Variants in TANC2 observed in about 807,000 individuals in gnomAD.
TANC2 encodes the protein tetratricopeptide repeat, ankyrin repeat and coiled-coil containing 2, also known as protein TANC2.
TANC2 carries 26 observed loss-of-function variants against 210.5 expected under a neutral mutation model. That is an observed-to-expected ratio of 0.12 (90% confidence interval 0.09 to 0.17). The LOEUF (loss-of-function observed/expected upper bound fraction) is 0.17, where lower values mean the gene tolerates loss of function less well. Ranked by LOEUF, TANC2 falls within the 10% of genes least tolerant of loss-of-function variation. The pLI, the probability that TANC2 is intolerant of heterozygous loss-of-function variation, is 1.00. For synonymous variants in TANC2, 931 were observed against 967.1 expected (o/e 0.96, Z 0.69); for missense variants, 2,129 against 2,608.9 (o/e 0.82, Z 4.01).
intron 1 of TANC2, among the ~76,000 whole-genome samples, chr17:62,998,063 A>G (rs2033199249): frequency 2.0e-5 from 3 of 152,206 alleles, no homozygotes; most frequent in Admixed American, 2.0e-4. Flanking sequence ...TGAAATGGCC[A>G]TTTTAAGATC....
At chr17:63,345,629 A>AC (rs937101311) in intron 12 of TANC2, among the ~76,000 whole-genome samples, 8 of 151,834 alleles carry the variant, frequency 5.3e-5, no homozygotes, top group African/African-American at 1.9e-4. Flanking sequence ...CAAAAAAAAA[A>AC]AAAAAAAAAA....
intron 15 of TANC2, among the ~76,000 whole-genome samples, chr17:63,383,843 G>A (rs1343053465): frequency 6.6e-6 from 1 of 152,126 alleles, no homozygotes; most frequent in Admixed American, 6.5e-5. Flanking sequence ...CTGATCAGTA[G>A]TATTTTTGAA....
chr17:63,092,968 C>G (rs1568379053), intron 3 of TANC2, among the ~76,000 whole-genome samples: 1 of 152,122 alleles, frequency 6.6e-6, no homozygotes, highest in South Asian at 2.1e-4. Flanking sequence ...GTTAAGAGTT[C>G]TTACAGCCTA....
At chr17:63,342,718 G>C in intron 12 of TANC2, among the ~76,000 whole-genome samples, 1 of 152,172 alleles carries the variant, frequency 6.6e-6, no homozygotes, top group Non-Finnish European at 1.5e-5. Flanking sequence ...GGAGCTTGCA[G>C]TGAGCCAAGA....
At chr17:62,969,098 G>A (rs1568283382) in intron 1 of TANC2, among the ~76,000 whole-genome samples, 1 of 152,030 alleles carries the variant, frequency 6.6e-6, no homozygotes, top group Non-Finnish European at 1.5e-5. Flanking sequence ...AATCTGCATA[G>A]GAGTAGACCA....
intron 19 of TANC2, among the ~76,000 whole-genome samples, chr17:63,401,507 G>T (rs974698213): frequency 1.3e-5 from 2 of 152,186 alleles, no homozygotes; most frequent in South Asian, 4.1e-4. Flanking sequence ...GAGGGAGAAA[G>T]TGAATCTTAG....
chr17:63,134,095 G>A (rs2039009830), intron 4 of TANC2, among the ~76,000 whole-genome samples: 1 of 152,160 alleles, frequency 6.6e-6, no homozygotes, highest in Non-Finnish European at 1.5e-5. Context: ...ACGCAAGGGA[G>A]TAACTTTCAC....
chr17:63,286,431 A>T (rs1598776595), intron 9 of TANC2, among the ~76,000 whole-genome samples: 1 of 152,314 alleles, frequency 6.6e-6, no homozygotes, highest in East Asian at 1.9e-4. Flanking sequence ...TTAAAACTAC[A>T]GATCCACTGC....
At chr17:63,400,812 T>A (rs931925805) in intron 19 of TANC2, among the ~76,000 whole-genome samples, 3 of 104,322 alleles carry the variant, frequency 2.9e-5, no homozygotes, top group Admixed American at 9.3e-5. Flanking sequence ...CCTGACTAAT[T>A]TTTTTTTTTT....
intron 2 of TANC2, among the ~76,000 whole-genome samples, chr17:63,062,686 A>G (rs1393812517): frequency 2.0e-5 from 3 of 152,068 alleles, no homozygotes; most frequent in Non-Finnish European, 4.4e-5. Context: ...TTAGATGCTC[A>G]TTAAGTTTCA....
At chr17:63,294,345 C>A (rs1398144828) in intron 9 of TANC2, among the ~76,000 whole-genome samples, 1 of 152,076 alleles carries the variant, frequency 6.6e-6, no homozygotes, top group African/African-American at 2.4e-5. Context: ...GGCATGGTGG[C>A]ATGTGCCTGT....
intron 4 of TANC2, chr17:63,150,609 A>G (rs1281096328): frequency 6.6e-6 from 1 of 152,190 alleles, no homozygotes; most frequent in Non-Finnish European, 1.5e-5. Flanking sequence ...GTGTCAAACT[A>G]GCAGGGCCTA....
At chr17:63,406,866 G>A (rs1232090093) in intron 21 of TANC2, among the ~76,000 whole-genome samples, 5 of 152,188 alleles carry the variant, frequency 3.3e-5, no homozygotes, top group African/African-American at 1.2e-4. Context: ...CATAACAGTG[G>A]CTGCTGATGA....
intron 3 of TANC2, among the ~76,000 whole-genome samples, chr17:63,096,355 T>C (rs1391783427): frequency 6.6e-6 from 1 of 152,130 alleles, no homozygotes; most frequent in East Asian, 1.9e-4. Flanking sequence ...AATCCAAGGA[T>C]AGAGAATAAA....
chr17:63,289,363 T>C (rs2044317158), intron 9 of TANC2, among the ~76,000 whole-genome samples: 1 of 152,188 alleles, frequency 6.6e-6, no homozygotes, highest in South Asian at 2.1e-4. Flanking sequence ...TTCTGGGTTT[T>C]TTTCAGTCTT....
At chr17:63,255,103 ATTTT>A (rs869129866) in intron 8 of TANC2, among the ~76,000 whole-genome samples, 2 of 126,484 alleles carry the variant, frequency 1.6e-5, no homozygotes, top group Admixed American at 8.0e-5. Context: ...TTATTTATTT[ATTTT>A]TATTTATTTA....
intron 14 of TANC2, 52 bp downstream of exon 14, chr17:63,355,442 C>CA (rs2046753262): frequency 6.8e-7 from 1 of 1,472,344 alleles, no homozygotes; most frequent in Admixed American, 2.4e-5. Flanking sequence ...CTGTTTATTG[C>CA]ATGGAGTGTG....
At chr17:63,029,230 G>A (rs2034671119) in intron 2 of TANC2, among the ~76,000 whole-genome samples, 1 of 151,926 alleles carries the variant, frequency 6.6e-6, no homozygotes, top group African/African-American at 2.4e-5. Flanking sequence ...TTTCCTTTTT[G>A]TTCACTAAAG....
At chr17:63,264,064 C>T (rs1189798243) in intron 8 of TANC2, among the ~76,000 whole-genome samples, 1 of 152,170 alleles carries the variant, frequency 6.6e-6, no homozygotes, top group African/African-American at 2.4e-5. Flanking sequence ...TGGAGACTGG[C>T]TCCAGATCTA....
Sources: allele counts gnomAD v4.1 joint callset (sites outside exome capture counted in the v4.1 genomes callset), GRCh38; gene constraint gnomAD v4.1.1; transcripts MANE v1.5; gene names NCBI Gene and HGNC (gene_info 2026-07-23, HGNC 2026-07-21).